COX10: variants seen among roughly 807,000 people sequenced by gnomAD.
COX10 encodes protoheme IX farnesyltransferase, mitochondrial.
A neutral mutation model predicts 37.3 loss-of-function variants in COX10; 27 were observed. The ratio of observed to expected loss-of-function variants is 0.72; its 90% CI spans 0.53 to 1.00. The LOEUF (loss-of-function observed/expected upper bound fraction) is 1.00. Ranked by LOEUF, COX10 falls within the 50% of genes least tolerant of loss-of-function variation. The pLI is 0.00. For missense variants in COX10, 475 were observed against 563.2 expected (o/e 0.84, Z 1.59); for synonymous variants, 222 against 229.1 (o/e 0.97, Z 0.28).
chr17:14,144,450 A>C (rs1360466460), intron 4 of COX10, among the ~76,000 whole-genome samples: 1 of 152,114 alleles, frequency 6.6e-6, no homozygotes, highest in Admixed American at 6.6e-5. Context: ...TCTTGTATTC[A>C]TATTAGATTG....
At chr17:14,084,650 A>G (rs1450170653) in intron 3 of COX10, among the ~76,000 whole-genome samples, 2 of 152,176 alleles carry the variant, frequency 1.3e-5, no homozygotes, top group Non-Finnish European at 2.9e-5. Context: ...CCTTCAGGCC[A>G]TGCAATAACC....
chr17:14,197,878 C>T (rs909416311), intron 6 of COX10, among the ~76,000 whole-genome samples: 2 of 152,174 alleles, frequency 1.3e-5, no homozygotes, highest in African/African-American at 4.8e-5. Context: ...TTTACAAAGC[C>T]CTCTGTCTAT....
intron 4 of COX10, among the ~76,000 whole-genome samples, chr17:14,124,329 G>A (rs1022525807): frequency 2.6e-5 from 4 of 152,144 alleles, no homozygotes; most frequent in African/African-American, 9.7e-5. Context: ...CAAAGATAGG[G>A]AAGTAGAATA....
rs558653576 is a variant in COX10 at position 14,089,570 on chromosome 17, C to T, written c.499+12514C>T. Among the ~76,000 whole-genome samples, 11 of 152,298 alleles carry T rather than the reference C, an allele frequency of 7.2e-5. No homozygotes were observed. In the South Asian group the frequency reaches 1.2e-3, roughly 17 times the overall value. On this transcript the variant is annotated intron_variant, in intron 3 of 6. Transcript: ENST00000261643. The stretch of plus-strand genomic sequence containing the variant: ...ACCAGGTGGCAAAGCTGTTAGTGAA[C>T]GTTGAAGAAGTTGAAGAACACCGTA...
chr17:14,111,400 T>C (rs1916004428), intron 4 of COX10, among the ~76,000 whole-genome samples: 1 of 152,124 alleles, frequency 6.6e-6, no homozygotes, highest in Admixed American at 6.6e-5. Flanking sequence ...AATGTAGAGA[T>C]AGGATGAAAC....
In COX10 at chr17:14,159,786, G is replaced by T. The variant is rs531248897; in HGVS notation, c.625-91G>T. ...TTTATGCTATCGAAATTAAAATGAA[G>T]TTTACTACAGAAAAAATGTTCAGTA... On this transcript the variant is annotated intron_variant, in intron 4 of 6. Transcript: ENST00000261643. 9 of 957,324 alleles carry T rather than the reference G, an allele frequency of 9.4e-6. No homozygotes were observed. In the African/African-American group the frequency reaches 1.3e-4, roughly 14 times the overall value. 59.3% of individuals were successfully genotyped at this position (957,324 alleles called of 1,614,324 possible). A position where few individuals can be genotyped will look rare whatever the true frequency, so the allele number is the denominator to read the frequency against.
intron 4 of COX10, among the ~76,000 whole-genome samples, chr17:14,129,074 G>A (rs979470064): frequency 9.2e-5 from 14 of 151,518 alleles, no homozygotes; most frequent in East Asian, 3.9e-4. Flanking sequence ...TTGAACTTCC[G>A]ACCTGAGGTG....
chr17:14,139,936 G>A (rs1031290972), intron 4 of COX10, among the ~76,000 whole-genome samples: 16 of 152,112 alleles, frequency 1.1e-4, no homozygotes, highest in African/African-American at 3.6e-4. Flanking sequence ...ATTCTGAAAA[G>A]CACTCAACAG....
intron 4 of COX10, among the ~76,000 whole-genome samples, chr17:14,149,243 T>C (rs995454673): frequency 6.6e-6 from 1 of 151,994 alleles, no homozygotes; most frequent in African/African-American, 2.4e-5. Flanking sequence ...TTAATATAAA[T>C]ACTTACTATG....
intron 4 of COX10, among the ~76,000 whole-genome samples, chr17:14,107,983 T>C (rs550970118): frequency 1.2e-4 from 18 of 152,320 alleles, no homozygotes; most frequent in Non-Finnish European, 1.9e-4. Flanking sequence ...TTCTTTCATA[T>C]GATAATACTT....
chr17:14,135,515 G>T (rs980758781), intron 4 of COX10, among the ~76,000 whole-genome samples: 8 of 151,792 alleles, frequency 5.3e-5, no homozygotes, highest in Non-Finnish European at 1.0e-4. Context: ...GAGACCCAGG[G>T]ATCTGCATTT....
At chr17:14,165,932 C>A (rs1410907917) in intron 5 of COX10, among the ~76,000 whole-genome samples, 1 of 152,202 alleles carries the variant, frequency 6.6e-6, no homozygotes, top group Non-Finnish European at 1.5e-5. Flanking sequence ...CAAAGCAAGG[C>A]CCTAACTCTC....
chr17:14,197,059 G>A (rs1291637120), intron 6 of COX10, among the ~76,000 whole-genome samples: 1 of 152,158 alleles, frequency 6.6e-6, no homozygotes, highest in Non-Finnish European at 1.5e-5. Context: ...CTGGGGCTCA[G>A]TAGATGGTAG....
chr17:14,174,307 T>TA (rs1264864600), intron 5 of COX10, among the ~76,000 whole-genome samples: 1 of 151,504 alleles, frequency 6.6e-6, no homozygotes, highest in Non-Finnish European at 1.5e-5. Flanking sequence ...AAAATTTTTT[T>TA]AAAAAATTAG....
chr17:14,139,040 A>G (rs1013729820), intron 4 of COX10, among the ~76,000 whole-genome samples: 10 of 152,170 alleles, frequency 6.6e-5, no homozygotes, highest in African/African-American at 2.4e-4. Context: ...GATAATGATA[A>G]TGCCTCCTGA....
In COX10 at chr17:14,098,082, C is replaced by T. The variant is rs73979158; in HGVS notation, c.500-4036C>T. On this transcript the variant is annotated intron_variant, in intron 3 of 6. Coordinates refer to ENST00000261643, the MANE Select transcript of COX10 (RefSeq NM_001303.4). ...TGGAACCTATGGATACAGAAGTCTT[C>T]TATTTTTGTGACTCTAGATTTTACT... is the stretch of plus-strand genomic sequence containing the variant. 6.7e-3 allele frequency among the ~76,000 whole-genome samples: 1,023 copies of T among 152,218 alleles called. 10 individuals carry two copies. Among genetic ancestry groups the T allele is most frequent in the African/African-American group, 0.023 (943 of 41,546 alleles).
chr17:14,159,295 G>A (rs1226057124), intron 4 of COX10, among the ~76,000 whole-genome samples: 1 of 152,182 alleles, frequency 6.6e-6, no homozygotes, highest in East Asian at 1.9e-4. Flanking sequence ...ATTCCCCAGG[G>A]TCAGTTGATT....
intron 5 of COX10, among the ~76,000 whole-genome samples, chr17:14,164,182 A>G (rs769391139): frequency 2.0e-5 from 3 of 152,190 alleles, no homozygotes; most frequent in African/African-American, 7.2e-5. Context: ...GTGTCCCATC[A>G]TGGTTTTTGA....
intron 3 of COX10, 87 bp from the exon 4 acceptor site, chr17:14,102,031 G>A: frequency 1.3e-6 from 2 of 1,523,372 alleles, no homozygotes; most frequent in South Asian, 1.1e-5. Context: ...TAGTTTATAT[G>A]AAGGATGGCT....
Sources: allele counts gnomAD v4.1 joint callset (sites outside exome capture counted in the v4.1 genomes callset), GRCh38; gene constraint gnomAD v4.1.1; transcripts MANE v1.5; gene names NCBI Gene and HGNC (gene_info 2026-07-23, HGNC 2026-07-21).